Variants in TCF12 observed in about 807,000 individuals in gnomAD.
TCF12 encodes the protein transcription factor 12.
In TCF12, 45 loss-of-function variants were observed where a neutral mutation model predicts 86.0. The ratio of observed to expected loss-of-function variants is 0.52; its 90% confidence interval spans 0.41 to 0.67. TCF12 has a LOEUF of 0.67. Ranked by LOEUF, TCF12 falls within the 30% of genes least tolerant of loss-of-function variation. The pLI is 0.00. For synonymous variants in TCF12, 330 were observed against 299.6 expected (o/e 1.10, Z -1.05); for missense variants, 881 against 859.9 (o/e 1.02, Z -0.31).
At chr15:57,061,107 G>A (rs1468184212) in intron 3 of TCF12, among the ~76,000 whole-genome samples, 4 of 152,142 alleles carry the variant, frequency 2.6e-5, no homozygotes, top group Non-Finnish European at 5.9e-5. Flanking sequence ...AGCTGGTGAT[G>A]CCATCACCCA....
intron 5 of TCF12, among the ~76,000 whole-genome samples, 185 bp from the exon 6 acceptor site, chr15:57,166,217 C>T (rs546910963): frequency 1.3e-5 from 2 of 152,168 alleles, no homozygotes; most frequent in Non-Finnish European, 2.9e-5. Context: ...ACATCCTGCC[C>T]AGAATTTGAC....
chr15:56,998,895 C>CAAGTACTTAG (rs1474365088), intron 3 of TCF12, among the ~76,000 whole-genome samples: 2 of 152,036 alleles, frequency 1.3e-5, no homozygotes, highest in Non-Finnish European at 2.9e-5. Context: ...CAGAAATCTC[C>CAAGTACTTAG]AAGTACTTAG....
chr15:57,060,197 CT>C (rs202210062), intron 3 of TCF12, among the ~76,000 whole-genome samples: 4,450 of 152,176 alleles, frequency 0.029, 184 homozygotes, highest in African/African-American at 0.089. Context: ...AGTTACTTTT[CT>C]TGTTAAATGT....
chr15:57,042,499 A>C (rs2703603), intron 3 of TCF12, among the ~76,000 whole-genome samples: 1,895 of 152,212 alleles, frequency 0.012, 42 homozygotes, highest in African/African-American at 0.044. Context: ...CTGTGACCTC[A>C]AATTCCGGGG....
chr15:56,947,894 T>C (rs2061080699), intron 3 of TCF12, among the ~76,000 whole-genome samples: 1 of 152,280 alleles, frequency 6.6e-6, no homozygotes, highest in Non-Finnish European at 1.5e-5. Flanking sequence ...GCCTAAATGG[T>C]GGCCTTGCAT....
chr15:57,143,039 A>T (rs1205316434), intron 5 of TCF12, among the ~76,000 whole-genome samples: 1 of 152,128 alleles, frequency 6.6e-6, no homozygotes, highest in Non-Finnish European at 1.5e-5. Context: ...AACATAAAGT[A>T]TAAATGCTTG....
At chr15:57,247,175 G>T in intron 13 of TCF12, 1 of 588,982 alleles carries the variant, frequency 1.7e-6, no homozygotes. Flanking sequence ...CCATATCCTT[G>T]GTCCATCACC....
At chr15:57,168,379 C>G (rs188607372) in intron 6 of TCF12, among the ~76,000 whole-genome samples, 10 of 152,318 alleles carry the variant, frequency 6.6e-5, no homozygotes, top group Admixed American at 6.5e-4. Context: ...ATCTAGCCCC[C>G]ATTAAGGTAT....
intron 5 of TCF12, among the ~76,000 whole-genome samples, chr15:57,132,778 C>A (rs989156445): frequency 2.0e-5 from 3 of 152,284 alleles, no homozygotes; most frequent in South Asian, 4.1e-4. Context: ...TCCAAGATAT[C>A]CCTGCCTACA....
At chr15:57,014,855 C>T (rs1157753609) in intron 3 of TCF12, among the ~76,000 whole-genome samples, 1 of 139,784 alleles carries the variant, frequency 7.2e-6, no homozygotes, top group African/African-American at 2.7e-5. Context: ...TAATGGTTCT[C>T]TGGACCTTTA....
chr15:57,222,169 G>A (rs552563928), intron 8 of TCF12, among the ~76,000 whole-genome samples: 1 of 150,948 alleles, frequency 6.6e-6, no homozygotes, highest in Admixed American at 6.6e-5. Context: ...TTATGAGAGA[G>A]TGACAAACCC....
chr15:57,238,697 G>A (rs1436004711), intron 12 of TCF12, among the ~76,000 whole-genome samples: 1 of 152,142 alleles, frequency 6.6e-6, no homozygotes, highest in African/African-American at 2.4e-5. Context: ...AATCACTCAA[G>A]TTAAAAATAT....
At chr15:57,007,061 A>G (rs1240716936) in intron 3 of TCF12, among the ~76,000 whole-genome samples, 2 of 152,228 alleles carry the variant, frequency 1.3e-5, no homozygotes, top group African/African-American at 4.8e-5. Context: ...TGTAAGGTTA[A>G]TGAAATGTTT....
chr15:57,285,752 G>A (rs918236249), intron 20 of TCF12, among the ~76,000 whole-genome samples: 3 of 152,056 alleles, frequency 2.0e-5, no homozygotes, highest in Non-Finnish European at 4.4e-5. Context: ...TTCTGTAATC[G>A]CATGATCTCC....
chr15:57,224,027 G>A (rs1349930373), intron 8 of TCF12, among the ~76,000 whole-genome samples: 2 of 151,856 alleles, frequency 1.3e-5, no homozygotes, highest in Admixed American at 6.6e-5. Flanking sequence ...AAATATCTGC[G>A]ACTATGGTGT....
chr15:57,245,173 A>G (rs1231437511), intron 13 of TCF12, among the ~76,000 whole-genome samples: 1 of 152,224 alleles, frequency 6.6e-6, no homozygotes, highest in East Asian at 1.9e-4. Context: ...CCTGGCCATC[A>G]CCTATGCTTT....
intron 3 of TCF12, among the ~76,000 whole-genome samples, 189 bp from the exon 4 acceptor site, chr15:57,063,561 A>T (rs2068620581): frequency 6.6e-6 from 1 of 152,144 alleles, no homozygotes; most frequent in South Asian, 2.1e-4. Context: ...TTGCATGAGG[A>T]TTGATGGAGC....
chr15:56,990,285 G>A (rs535601248), intron 3 of TCF12, among the ~76,000 whole-genome samples: 29 of 149,790 alleles, frequency 1.9e-4, no homozygotes, highest in African/African-American at 6.9e-4. Context: ...AAGAAAATGT[G>A]TTTTAGGCAG....
chr15:57,203,627 C>CGTA (rs2057666161), intron 8 of TCF12, among the ~76,000 whole-genome samples: 1 of 152,194 alleles, frequency 6.6e-6, no homozygotes, highest in African/African-American at 2.4e-5. Flanking sequence ...CAGTCCCGTA[C>CGTA]GTAGCCTGAT....
Sources: allele counts gnomAD v4.1 joint callset (sites outside exome capture counted in the v4.1 genomes callset), GRCh38; gene constraint gnomAD v4.1.1; transcripts MANE v1.5; gene names NCBI Gene and HGNC (gene_info 2026-07-23, HGNC 2026-07-21).